Variants in TAFA1 observed in about 807,000 individuals in gnomAD.
TAFA1 encodes the protein TAFA chemokine like family member 1.
In TAFA1, 4 loss-of-function variants were observed where a neutral mutation model predicts 18.5. That is an observed-to-expected ratio of 0.22 (90% CI 0.11 to 0.49). TAFA1 has a LOEUF of 0.49. Ranked by LOEUF, TAFA1 falls within the 20% of genes least tolerant of loss-of-function variation. The pLI is 0.98. For missense variants in TAFA1, 147 were observed against 169.0 expected, an observed-to-expected ratio of 0.87 and a Z score of 0.72; for synonymous variants, 56 against 55.2, an observed-to-expected ratio of 1.01 and a Z score of -0.06.
chr3:68,295,962 A>G (rs1272748419), intron 2 of TAFA1, among the ~76,000 whole-genome samples: 1 of 152,242 alleles, frequency 6.6e-6, no homozygotes, highest in African/African-American at 2.4e-5. Flanking sequence ...TTTTTGAAAT[A>G]AAAATCAGTG....
intron 2 of TAFA1, among the ~76,000 whole-genome samples, chr3:68,412,484 G>A (rs544964331): frequency 5.3e-5 from 8 of 152,088 alleles, no homozygotes; most frequent in East Asian, 3.9e-4. Context: ...CTGTTAGCTC[G>A]TCATTTACAT....
At chr3:68,404,983 T>C (rs114516483) in intron 2 of TAFA1, among the ~76,000 whole-genome samples, 1,996 of 152,224 alleles carry the variant, frequency 0.013, 46 homozygotes, top group African/African-American at 0.046. Flanking sequence ...CTCAAAAATG[T>C]TGTTCCATTT....
chr3:68,323,034 C>G (rs2068719032), intron 2 of TAFA1, among the ~76,000 whole-genome samples: 1 of 152,138 alleles, frequency 6.6e-6, no homozygotes, highest in African/African-American at 2.4e-5. Flanking sequence ...CAGTTGTGGT[C>G]AATAATCATA....
At chr3:68,521,429 T>C (rs568070048) in intron 3 of TAFA1, among the ~76,000 whole-genome samples, 2 of 152,332 alleles carry the variant, frequency 1.3e-5, no homozygotes, top group Non-Finnish European at 2.9e-5. Context: ...TGCCAGGCAC[T>C]CTGCTTGGTG....
chr3:68,529,765 G>A (rs1476402484), intron 3 of TAFA1, among the ~76,000 whole-genome samples: 1 of 152,142 alleles, frequency 6.6e-6, no homozygotes, highest in Non-Finnish European at 1.5e-5. Flanking sequence ...TGGGAACTAA[G>A]AGGGTGAGAA....
intron 2 of TAFA1, among the ~76,000 whole-genome samples, chr3:68,284,407 T>C (rs1451306079): frequency 1.3e-5 from 2 of 152,192 alleles, no homozygotes; most frequent in African/African-American, 4.8e-5. Flanking sequence ...ATGTCAAATG[T>C]TACAATGTTA....
intron 2 of TAFA1, among the ~76,000 whole-genome samples, chr3:68,391,241 C>G (rs1397342440): frequency 6.6e-6 from 1 of 151,874 alleles, no homozygotes; most frequent in African/African-American, 2.4e-5. Context: ...CCAAATCAAT[C>G]AAGTAGAAGA....
chr3:68,453,165 A>G (rs1347824156), intron 3 of TAFA1, among the ~76,000 whole-genome samples: 1 of 152,172 alleles, frequency 6.6e-6, no homozygotes, highest in Non-Finnish European at 1.5e-5. Flanking sequence ...AATTCTTTTT[A>G]AGAATGATGG....
chr3:68,229,889 T>C (rs1469221684), intron 2 of TAFA1, among the ~76,000 whole-genome samples: 2 of 152,216 alleles, frequency 1.3e-5, no homozygotes, highest in African/African-American at 4.8e-5. Flanking sequence ...TTATGACAAG[T>C]AAATGTGATG....
rs569068146 is a variant in TAFA1 at position 68,269,779 on chromosome 3, G to A, written c.119-147501G>A. ...TAATTTTTTAAGAGAATTAAAAACA[G>A]GTAACATTTTTAAAAAGAGAGAGAA... On this transcript the variant is annotated intron_variant, in intron 2 of 4. Coordinates refer to ENST00000478136, the MANE Select transcript of TAFA1 (RefSeq NM_213609.4). 2.0e-5 allele frequency among the ~76,000 whole-genome samples: 3 copies of A among 152,230 alleles called. No individual in the cohort carries two copies. In the South Asian group the frequency reaches 6.2e-4, roughly 32 times the overall value.
chr3:68,261,781 G>T (rs1057207982), intron 2 of TAFA1, among the ~76,000 whole-genome samples: 3 of 152,058 alleles, frequency 2.0e-5, no homozygotes, highest in African/African-American at 7.2e-5. Flanking sequence ...TGGAGGGAGT[G>T]GGGAGGGATA....
At chr3:68,390,384 C>T (rs1163419065) in intron 2 of TAFA1, among the ~76,000 whole-genome samples, 2 of 152,202 alleles carry the variant, frequency 1.3e-5, no homozygotes, top group Non-Finnish European at 1.5e-5. Context: ...ACTCCCATCT[C>T]CCTGGGACAG....
Position 68,205,970 on chromosome 3 carries a change from T to C in TAFA1, c.118+199226T>C, listed in dbSNP as rs563934525. Among the ~76,000 whole-genome samples, 243 of 152,028 alleles carry C rather than the reference T, an allele frequency of 1.6e-3. 1 individual carries two copies. Among genetic ancestry groups the C allele is most frequent in the African/African-American group, 5.8e-3 (239 of 41,536 alleles). ...AGTAGAAATGAAAGTATAGTCACCATGACATAGTCACCCCCGATTAAAGAT... is the reference window on the plus strand; with the variant it reads ...AGTAGAAATGAAAGTATAGTCACCACGACATAGTCACCCCCGATTAAAGAT... On this transcript the variant is annotated intron_variant, in intron 2 of 4. Transcript: ENST00000478136.
rs71618234 is a variant in TAFA1, at chr3:68,370,286, CAAAAAAA to C, written c.119-46964_119-46958del. Among the ~76,000 whole-genome samples, 48 of 10,840 alleles carry C rather than the reference CAAAAAAA, an allele frequency of 4.4e-3. 3 individuals are homozygous for C. Among genetic ancestry groups the C allele is most frequent in the East Asian group, 0.01 (2 of 196 alleles). The allele number at this position is 10,840 out of a possible 152,430, so 7.1% of individuals were successfully genotyped here. ...CTGGGCGACAAGGGAGACCCCATCT[CAAAAAAA>C]AAAAAAAAAAAAAAAAAAAAAAAAA... On this transcript the variant is annotated intron_variant, in intron 2 of 4. Transcript: ENST00000478136.
At chr3:68,171,769 G>A (rs2066056762) in intron 2 of TAFA1, among the ~76,000 whole-genome samples, 1 of 151,922 alleles carries the variant, frequency 6.6e-6, no homozygotes, top group Admixed American at 6.6e-5. Context: ...GCCAAATACA[G>A]ATTCTAGAGT....
At position 68,281,269 on chromosome 3, in the gene TAFA1, A is replaced by G. The variant is rs76408340; in HGVS notation, c.119-136011A>G. On this transcript the variant is annotated intron_variant, in intron 2 of 4. Transcript: ENST00000478136. ...AATGGATATAAACTGTCAGCCTCAT[A>G]CATTACAAAACGACTTAAAATTCCA... Among the ~76,000 whole-genome samples, 791 of 152,282 alleles carry G rather than the reference A, an allele frequency of 5.2e-3. 12 individuals are homozygous for G. The highest frequency in any genetic ancestry group is 0.018 in the African/African-American group (769 of 41,572).
chr3:68,112,211 G>C (rs1049173618), intron 2 of TAFA1, among the ~76,000 whole-genome samples: 1 of 152,098 alleles, frequency 6.6e-6, no homozygotes, highest in Non-Finnish European at 1.5e-5. Flanking sequence ...AAGGAATTAC[G>C]GGACAGGACA....
At chr3:68,330,892 C>T (rs142545471) in intron 2 of TAFA1, among the ~76,000 whole-genome samples, 1 of 145,048 alleles carries the variant, frequency 6.9e-6, no homozygotes, top group African/African-American at 2.5e-5. Flanking sequence ...ACCTTGAAGA[C>T]AGGGAATTTC....
At chr3:68,218,359 A>G (rs73095498) in intron 2 of TAFA1, among the ~76,000 whole-genome samples, 2,281 of 152,218 alleles carry the variant, frequency 0.015, 23 homozygotes, top group Middle Eastern at 0.078. Flanking sequence ...ATTTCTTAAT[A>G]TGTAGGTTAA....
Sources: gnomAD v4.1 joint callset for allele counts (sites outside exome capture counted in the v4.1 genomes callset) on GRCh38, gnomAD v4.1.1 for gene constraint, MANE v1.5 for transcripts, NCBI Gene and HGNC (gene_info 2026-07-23, HGNC 2026-07-21) for gene names.